Variants in BAG3 observed in about 807,000 individuals in gnomAD.
BAG3 encodes the protein BAG cochaperone 3.
BAG3 carries 14 observed loss-of-function variants against 40.5 expected under a neutral mutation model. That is an observed-to-expected ratio of 0.35 (90% CI 0.23 to 0.54). The LOEUF (loss-of-function observed/expected upper bound fraction) is 0.54, where lower values mean the gene tolerates loss of function less well. Among genes scored for constraint, BAG3 ranks in the 20% least tolerant of loss-of-function variants. BAG3 has a pLI of 0.91. For missense variants in BAG3, 788 were observed against 758.6 expected (o/e 1.04, Z -0.46); for synonymous variants, 302 against 307.8 (o/e 0.98, Z 0.20).
intron 3 of BAG3, among the ~76,000 whole-genome samples, chr10:119,673,009 TCA>T (rs1847174275): frequency 1.3e-5 from 2 of 152,222 alleles, no homozygotes; most frequent in African/African-American, 4.8e-5. Context: ...AGCCACAGCC[TCA>T]CCTTGGGTGT....
intron 1 of BAG3, among the ~76,000 whole-genome samples, chr10:119,669,523 G>A (rs1179539491): frequency 2.0e-5 from 3 of 152,188 alleles, no homozygotes; most frequent in Admixed American, 1.3e-4. Context: ...CTGAAAATGC[G>A]GGCATGGGCA....
In BAG3 at chr10:119,669,445, G is replaced by T. The variant is rs531445799; in HGVS notation, c.181-406G>T. Among the ~76,000 whole-genome samples, 4 of 152,290 alleles carry T rather than the reference G, an allele frequency of 2.6e-5. No homozygotes were observed. In the South Asian group the frequency reaches 8.3e-4, roughly 32 times the overall value. On this transcript the variant is annotated intron_variant, in intron 1 of 3. Transcript: ENST00000369085. ...ATGTGAGGGCCTTTTTGGAAACAGA[G>T]ACGCTTGCTGTAATGTAGAGGTTGG...
At chr10:119,656,442 G>T (rs1234011839) in intron 1 of BAG3, among the ~76,000 whole-genome samples, 1 of 145,802 alleles carries the variant, frequency 6.9e-6, no homozygotes, top group African/African-American at 2.6e-5. Flanking sequence ...GTGCCGTAGT[G>T]CGATCTTGGC....
intron 3 of BAG3, among the ~76,000 whole-genome samples, chr10:119,675,139 CTGGGCAGCA>C (rs770217396): frequency 6.6e-6 from 1 of 152,186 alleles, no homozygotes; most frequent in Non-Finnish European, 1.5e-5. Flanking sequence ...CAAGACCAGC[CTGGGCAGCA>C]TGGTGAAACC....
chr10:119,674,356 C>A (rs1253532301), intron 3 of BAG3, among the ~76,000 whole-genome samples: 1 of 152,112 alleles, frequency 6.6e-6, no homozygotes, highest in Non-Finnish European at 1.5e-5. Flanking sequence ...GTTCAGCAAT[C>A]CTAGGAGGGT....
At chr10:119,663,848 G>A (rs960513858) in intron 1 of BAG3, among the ~76,000 whole-genome samples, 1 of 152,210 alleles carries the variant, frequency 6.6e-6, no homozygotes, top group African/African-American at 2.4e-5. Context: ...GGACCTTTAG[G>A]CTTCCTCACA....
chr10:119,675,817 CTT>C (rs1450771573), intron 3 of BAG3, among the ~76,000 whole-genome samples: 3 of 45,078 alleles, frequency 6.7e-5, no homozygotes, highest in African/African-American at 2.7e-4. Context: ...CCCTTCCCTG[CTT>C]CCTTCCCCCT....
At chr10:119,660,671 C>A (rs189484805) in intron 1 of BAG3, among the ~76,000 whole-genome samples, 2 of 151,702 alleles carry the variant, frequency 1.3e-5, no homozygotes, top group African/African-American at 2.4e-5. Flanking sequence ...CATAGTGAGA[C>A]CTTGTCTCTA....
chr10:119,663,706 G>T (rs1269981328), intron 1 of BAG3, among the ~76,000 whole-genome samples: 2 of 151,984 alleles, frequency 1.3e-5, no homozygotes, highest in African/African-American at 4.8e-5. Flanking sequence ...GTCGTTTTTA[G>T]ATTTCTGTGA....
rs1847060146 is a variant in BAG3, at chr10:119,665,952, G to A, written c.181-3899G>A. Among the ~76,000 whole-genome samples, 3 of 152,294 alleles carry A rather than the reference G, an allele frequency of 2.0e-5. No individual in the cohort carries two copies. In the South Asian group the frequency reaches 6.2e-4, roughly 32 times the overall value. On this transcript the variant is annotated intron_variant, in intron 1 of 3. Coordinates refer to ENST00000369085, the MANE Select transcript of BAG3 (RefSeq NM_004281.4). ...GCCCAGGAATACAGACCTCGGGACT[G>A]TTGGAGAAGCAGCCAGGCCGCCCTT...
At position 119,662,173 on chromosome 10, in the gene BAG3, G is replaced by A. The variant is rs188292676; in HGVS notation, c.181-7678G>A. On this transcript the variant is annotated intron_variant, in intron 1 of 3. Coordinates refer to ENST00000369085, the MANE Select transcript of BAG3 (RefSeq NM_004281.4). ...AGCGATTCTCCTGCCTCAGCCTCCT[G>A]AGTACCTGGGATTGCAGGCCCCCGC... is the stretch of plus-strand genomic sequence containing the variant. 4.5e-3 allele frequency among the ~76,000 whole-genome samples: 678 copies of A among 150,236 alleles called. 7 individuals are homozygous for A. Among genetic ancestry groups the A allele is most frequent in the African/African-American group, 0.016 (637 of 40,770 alleles).
rs1338665537 is a variant in BAG3 at position 119,677,470 on chromosome 10, C to G, written c.*188C>G. On this transcript the variant is annotated 3_prime_UTR_variant, in exon 4 of 4. Transcript: ENST00000369085. The stretch of plus-strand genomic sequence containing the variant: ...GATGCTTTTCTTCTATATTCTTACT[C>G]TGTACAAATAAAGAAGTTGCTTGTT... The G allele has an allele frequency of 2.7e-6, 2 of 749,142 alleles. No homozygotes were observed. The highest frequency in any genetic ancestry group is 4.4e-6 in the Non-Finnish European group (2 of 452,644). 46.4% of individuals were successfully genotyped at this position (749,142 alleles called of 1,614,324 possible).
At chr10:119,668,271 G>A (rs928593667) in intron 1 of BAG3, among the ~76,000 whole-genome samples, 5 of 152,204 alleles carry the variant, frequency 3.3e-5, no homozygotes, top group South Asian at 4.1e-4. Flanking sequence ...TGGTGCCCAC[G>A]CCTGCACACA....
intron 3 of BAG3, among the ~76,000 whole-genome samples, chr10:119,675,549 T>A (rs976654006): frequency 1.3e-5 from 2 of 152,028 alleles, no homozygotes; most frequent in African/African-American, 4.8e-5. Context: ...CTGTCACGGT[T>A]TTAAAAAAAG....
At position 119,651,649 on chromosome 10, in the gene BAG3, G is replaced by A; in HGVS notation, c.-27G>A. ...CCCGGAGCCAGCGCCCCGCACCCGC[G>A]CCCCAGCGGGCAGACCCCAACCCAG... On this transcript the variant is annotated 5_prime_UTR_variant, in exon 1 of 4. Transcript: ENST00000369085. 3.3e-6 allele frequency: 5 copies of A among 1,516,502 alleles called. No homozygotes were observed. The highest frequency in any genetic ancestry group is 3.5e-6 in the Non-Finnish European group (4 of 1,129,678). 93.9% of individuals were successfully genotyped at this position (1,516,502 alleles called of 1,614,324 possible). A position where few individuals can be genotyped will look rare whatever the true frequency, so the allele number is the denominator to read the frequency against.
chr10:119,670,236 C>A, intron 2 of BAG3, 59 bp downstream of exon 2: 1 of 1,543,324 alleles, frequency 6.5e-7, no homozygotes, highest in Non-Finnish European at 8.7e-7. Flanking sequence ...CTTCCCAGGC[C>A]GGGCCCATCC....
At chr10:119,652,245 C>CT (rs1312815011) in intron 1 of BAG3, among the ~76,000 whole-genome samples, 1 of 152,084 alleles carries the variant, frequency 6.6e-6, no homozygotes, top group African/African-American at 2.4e-5. Flanking sequence ...GTGGCCCCTG[C>CT]TGCCCGCTCG....
intron 2 of BAG3, among the ~76,000 whole-genome samples, chr10:119,671,729 G>T (rs749893887): frequency 6.6e-6 from 1 of 152,142 alleles, no homozygotes; most frequent in Admixed American, 6.6e-5. Context: ...TTGAACATAG[G>T]CCCCTTGATT....
chr10:119,672,461 G>A lies in BAG3; in HGVS notation c.714G>A (p.Gly238=), dbSNP rs377183466. The A allele has an allele frequency of 1.5e-5, 25 of 1,614,202 alleles. No individual in the cohort carries two copies. Among genetic ancestry groups the A allele is most frequent in the Non-Finnish European group, 1.9e-5 (23 of 1,180,040 alleles). Residue 238 remains glycine (G), a synonymous_variant, in exon 3 of 4, where the codon GGG becomes GGA. Transcript: ENST00000369085. The surrounding 1 kb of genome is among the most constrained non-coding windows in gnomAD (Gnocchi z 4.8). ...AGACGCACTACCCAGCGCAGCAGGG[G>A]GAGTACCAGACCCACCAGCCTGTGT... ...AQKTHYPAQQ[G]EYQTHQPVYH...
Sources: gnomAD v4.1 joint callset for allele counts (sites outside exome capture counted in the v4.1 genomes callset) on GRCh38, gnomAD v4.1.1 for gene constraint, Gnocchi (gnomAD v3.1) non-coding constraint, MANE v1.5 for transcripts, NCBI Gene and HGNC (gene_info 2026-07-23, HGNC 2026-07-21) for gene names.